The following MAGIX variants were observed in gnomAD, a reference collection of about 807,000 sequenced individuals.
MAGIX encodes the protein PDZ domain-containing protein MAGIX.
A neutral mutation model predicts 10.0 loss-of-function variants in MAGIX; 13 were observed. The ratio of observed to expected loss-of-function variants is 1.30; its 90% confidence interval spans 0.84 to 2.06. MAGIX has a LOEUF of 2.06. Ranked by LOEUF, MAGIX falls within the 30% of genes most tolerant of loss-of-function variation. The pLI is 0.00. For missense variants in MAGIX, 235 were observed against 245.2 expected, an observed-to-expected ratio of 0.96 and a Z score of 0.28; for synonymous variants, 108 against 106.8, an observed-to-expected ratio of 1.01 and a Z score of -0.07.
intron 4 of MAGIX, 124 bp from the exon 6 acceptor site, chrX:49,165,950 C>A (rs1028948394): frequency 1.6e-6 from 1 of 641,937 alleles, no homozygotes; most frequent in Non-Finnish European, 2.4e-6. Flanking sequence ...TCCCAGAAGG[C>A]CTGGAGGGGA....
exon 5 of MAGIX, chrX:49,166,216 G>A (rs1382553637): frequency 5.8e-6 from 7 of 1,203,732 alleles, no homozygotes; most frequent in Non-Finnish European, 7.8e-6. Context: ...CTAGTCCAGA[G>A]GCGGCCGCCG....
At chrX:49,166,349 G>C (rs1557098109) in exon 5 of MAGIX, 6 of 1,161,042 alleles carry the variant, frequency 5.2e-6, no homozygotes, top group Admixed American at 5.2e-5. Context: ...AGGGGTCCGG[G>C]GGGCAGCGCA....
At chrX:49,165,276 C>G (rs1557097578) in exon 4 of MAGIX, 6 of 1,181,696 alleles carry the variant, frequency 5.1e-6, no homozygotes, top group Non-Finnish European at 5.7e-6. Context: ...GAGCTGGAGG[C>G]CCCCAGCTCC....
rs1228620860 is a variant in MAGIX at position 49,163,816 on chromosome X, C to A, written c.-168C>A. Reference sequence around the variant, plus strand: ...CCCTCCCCGCTCGCGGGCCCTAGCGCCCGGCAGCTCCTGGCGCGGTTGGAC... The same window carrying A: ...CCCTCCCCGCTCGCGGGCCCTAGCGACCGGCAGCTCCTGGCGCGGTTGGAC... On this transcript the variant is annotated 5_prime_UTR_variant, in exon 2 of 5. Transcript: ENST00000616266. 4 of 1,046,582 alleles carry A rather than the reference C, an allele frequency of 3.8e-6. No individual in the cohort carries two copies. In the Admixed American group the frequency reaches 2.0e-4, roughly 52 times the overall value. 86.3% of individuals were successfully genotyped at this position (1,046,582 alleles called of 1,213,427 possible). A position where few individuals can be genotyped will look rare whatever the true frequency, so the allele number is the denominator to read the frequency against.
At chrX:49,165,296 T>G (rs2065359186) in exon 4 of MAGIX, 1 of 1,180,873 alleles carries the variant, frequency 8.5e-7, no homozygotes, top group Non-Finnish European at 1.1e-6. Context: ...CACCTGGTTA[T>G]TCGTCGGCCT....
exon 3 of MAGIX, chrX:49,165,003 T>G: frequency 8.3e-7 from 1 of 1,211,106 alleles, no homozygotes; most frequent in Non-Finnish European, 1.1e-6. Context: ...TCACCTTAGG[T>G]GGGGGCCGGG....
Position 49,165,618 on chromosome X carries a change from A to T in MAGIX, c.502+257A>T. The T allele has an allele frequency of 1.1e-5, 4 of 361,341 alleles. No homozygotes were observed. The South Asian group carries it at 1.8e-4, about 17-fold the overall frequency. The allele number at this position is 361,341 out of a possible 1,213,427, so 29.8% of individuals were successfully genotyped here. A position where few individuals can be genotyped will look rare whatever the true frequency, so the allele number is the denominator to read the frequency against. ...TGGGTTTTCCAGGTACTGGGGGAAG[A>T]GAAGGGAAGGGGTCTAGGATAAAAG... On this transcript the variant is annotated intron_variant, in intron 4 of 4. Coordinates refer to ENST00000616266, the Ensembl canonical transcript of MAGIX.
rs1557097489 is a variant in MAGIX, at chrX:49,165,179, C to T, written c.331-11C>T. On this transcript the variant is annotated splice_polypyrimidine_tract_variant and intron_variant, in intron 3 of 4. Coordinates refer to ENST00000616266, the Ensembl canonical transcript of MAGIX. ...TTGCCTTTCCAACACGACTGCATTG[C>T]ACTCCTCCAGGTCGGGGACCTCGTG... 3.3e-6 allele frequency: 4 copies of T among 1,198,478 alleles called. No individual in the cohort carries two copies. The highest frequency in any genetic ancestry group is 4.5e-6 in the Non-Finnish European group (4 of 888,480).
At chrX:49,166,510 C>T in exon 5 of MAGIX, 1 of 634,263 alleles carries the variant, frequency 1.6e-6, no homozygotes, top group South Asian at 3.1e-5. Context: ...GTTTGGTCCC[C>T]CCACCCGCTG....
chrX:49,166,118 G>A, exon 5 of MAGIX: 1 of 1,211,871 alleles, frequency 8.3e-7, no homozygotes, highest in Non-Finnish European at 1.1e-6. Flanking sequence ...AGGGCCGGAG[G>A]TAACGGGGTC....
chrX:49,164,995 A>C, exon 3 of MAGIX: 1 of 1,211,467 alleles, frequency 8.3e-7, no homozygotes, highest in Non-Finnish European at 1.1e-6. Flanking sequence ...CTTTGGCCTC[A>C]CCTTAGGTGG....
chrX:49,166,353 C>T (rs1557098116), exon 5 of MAGIX: 1 of 1,156,951 alleles, frequency 8.6e-7, no homozygotes, highest in East Asian at 3.2e-5. Context: ...GTCCGGGGGG[C>T]AGCGCAGCTC....
chrX:49,163,989 G>A (rs1312290699), intron 2 of MAGIX, 60 bp downstream of exon 2: 1 of 967,533 alleles, frequency 1.0e-6, no homozygotes, highest in African/African-American at 2.1e-5. Context: ...TGGGTTCAGT[G>A]GGACAGGCCT....
At chrX:49,165,298 C>A in exon 4 of MAGIX, 1 of 1,182,411 alleles carries the variant, frequency 8.5e-7, no homozygotes, top group Admixed American at 2.4e-5. Context: ...CCTGGTTATT[C>A]GTCGGCCTCT....
At chrX:49,162,779 G>C (rs1014702398) in intron 1 of MAGIX, 42 of 424,143 alleles carry the variant, frequency 9.9e-5, no homozygotes, top group East Asian at 2.3e-4. Flanking sequence ...AGCCAGGCAC[G>C]GGACCCGCCA....
At chrX:49,163,706 A>G in intron 1 of MAGIX, 77 bp from the exon 2 acceptor site, 1 of 922,083 alleles carries the variant, frequency 1.1e-6, no homozygotes, top group South Asian at 4.0e-5. Flanking sequence ...GGGCATTTCT[A>G]GGTCTTCGAG....
exon 5 of MAGIX, chrX:49,166,680 T>G (rs5952516): frequency 3.3e-6 from 1 of 305,830 alleles, no homozygotes; most frequent in African/African-American, 2.7e-5. Context: ...CCCGGGCCAC[T>G]CTGTAAAGGA....
At chrX:49,166,148 C>G in exon 5 of MAGIX, 2 of 1,212,010 alleles carry the variant, frequency 1.7e-6, no homozygotes, top group South Asian at 1.8e-5. Flanking sequence ...CAGCACTTCC[C>G]TAGTTCAGCA....
At chrX:49,163,638 A>G in intron 1 of MAGIX, 145 bp from the exon 2 acceptor site, 1 of 503,010 alleles carries the variant, frequency 2.0e-6, no homozygotes, top group Non-Finnish European at 2.8e-6. Flanking sequence ...GAGGGGAGGG[A>G]CAGCAGTGAC....
Sources: gnomAD v4.1 joint callset for allele counts on GRCh38, gnomAD v4.1.1 for gene constraint, MANE v1.5 for transcripts, NCBI Gene and HGNC (gene_info 2026-07-23, HGNC 2026-07-21) for gene names.